The following ATRNL1 variants were observed in gnomAD, a reference collection of about 807,000 sequenced individuals.
ATRNL1 encodes the protein attractin-like protein 1.
In ATRNL1, 95 loss-of-function variants were observed where a neutral mutation model predicts 182.7. That is an observed-to-expected ratio of 0.52 (90% CI 0.44 to 0.62). ATRNL1 has a LOEUF of 0.62. Among genes scored for constraint, ATRNL1 ranks in the 20% least tolerant of loss-of-function variants. ATRNL1 has a pLI of 0.00. For missense variants in ATRNL1, 1,471 were observed against 1,679.5 expected (o/e 0.88, Z 2.17); for synonymous variants, 576 against 568.3 (o/e 1.01, Z -0.19).
At chr10:115,939,279 G>A (rs1953654451) in intron 28 of ATRNL1, among the ~76,000 whole-genome samples, 1 of 152,184 alleles carries the variant, frequency 6.6e-6, no homozygotes, top group African/African-American at 2.4e-5. Context: ...TCCTGCCCTA[G>A]GTGAACCAGA....
intron 10 of ATRNL1, among the ~76,000 whole-genome samples, chr10:115,244,456 A>G (rs908601611): frequency 1.3e-5 from 2 of 152,146 alleles, no homozygotes; most frequent in South Asian, 2.1e-4. Flanking sequence ...AAAAAAAATA[A>G]CTTACGTAAT....
At chr10:115,583,255 T>G (rs1171901708) in intron 26 of ATRNL1, among the ~76,000 whole-genome samples, 3 of 134,522 alleles carry the variant, frequency 2.2e-5, no homozygotes, top group Non-Finnish European at 4.9e-5. Context: ...ATATGAACTT[T>G]AAGGTAGTTT....
chr10:115,533,153 A>G (rs528063649), intron 25 of ATRNL1, among the ~76,000 whole-genome samples: 4,124 of 151,986 alleles, frequency 0.027, 219 homozygotes, highest in African/African-American at 0.096. Context: ...TTTTCTATTG[A>G]TTGGAATAGT....
intron 18 of ATRNL1, among the ~76,000 whole-genome samples, chr10:115,316,366 C>A (rs555587168): frequency 1.3e-5 from 2 of 151,990 alleles, no homozygotes; most frequent in African/African-American, 4.8e-5. Context: ...CATTAATGGG[C>A]GCTTGGGTTG....
intron 25 of ATRNL1, among the ~76,000 whole-genome samples, chr10:115,534,571 C>G (rs1851836658): frequency 6.6e-6 from 1 of 152,246 alleles, no homozygotes; most frequent in Non-Finnish European, 1.5e-5. Flanking sequence ...GTTTGCCAGT[C>G]TGTGTCTTTT....
rs185147556 is a variant in ATRNL1, at chr10:115,357,260, G to A, written c.3175+22841G>A. The stretch of plus-strand genomic sequence containing the variant: ...CATAGTTCTACTTATATTCTAATAC[G>A]TATAAAACATTTATTTAGTACAGTT... On this transcript the variant is annotated intron_variant, in intron 19 of 28. Coordinates refer to ENST00000355044, the MANE Select transcript of ATRNL1 (RefSeq NM_207303.4). Among the ~76,000 whole-genome samples, 83 of 151,896 alleles carry A rather than the reference G, an allele frequency of 5.5e-4. 1 individual carries two copies. The highest frequency in any genetic ancestry group is 3.4e-3 in the Middle Eastern group (1 of 294).
At chr10:115,295,096 T>C (rs1853112345) in intron 15 of ATRNL1, among the ~76,000 whole-genome samples, 1 of 151,606 alleles carries the variant, frequency 6.6e-6, no homozygotes, top group Non-Finnish European at 1.5e-5. Flanking sequence ...ACCTATGAGA[T>C]TGGTTTTCAA....
At chr10:115,171,399 A>G in intron 8 of ATRNL1, 107 bp downstream of exon 8, 1 of 989,262 alleles carries the variant, frequency 1.0e-6, no homozygotes, top group Non-Finnish European at 1.4e-6. Flanking sequence ...TGAGATTGAA[A>G]TTATAAGCTG....
chr10:115,477,253 C>T (rs1281966711), intron 24 of ATRNL1, among the ~76,000 whole-genome samples: 6 of 151,438 alleles, frequency 4.0e-5, no homozygotes, highest in South Asian at 4.1e-4. Flanking sequence ...AAACAGAAAT[C>T]GTGCATGACT....
chr10:115,472,737 T>C (rs1554972368), intron 24 of ATRNL1, among the ~76,000 whole-genome samples: 1 of 151,134 alleles, frequency 6.6e-6, no homozygotes, highest in Non-Finnish European at 1.5e-5. Flanking sequence ...TTTAACAGTT[T>C]ATTGGTGGAC....
intron 18 of ATRNL1, among the ~76,000 whole-genome samples, chr10:115,329,095 C>A (rs1855068683): frequency 6.6e-6 from 1 of 151,994 alleles, no homozygotes; most frequent in Admixed American, 6.6e-5. Context: ...TAGAGTTCCC[C>A]TTTCTCCACA....
At chr10:115,398,550 CACATTGTATCCTGAT>C (rs2134293577) in intron 20 of ATRNL1, among the ~76,000 whole-genome samples, 2 of 151,926 alleles carry the variant, frequency 1.3e-5, no homozygotes, top group East Asian at 3.9e-4. Flanking sequence ...TTGATTTTTG[CACATTGTATCCTGAT>C]ACTTTGCTGA....
chr10:115,334,511 C>A, intron 19 of ATRNL1, 92 bp downstream of exon 19: 1 of 959,886 alleles, frequency 1.0e-6, no homozygotes, highest in Non-Finnish European at 1.4e-6. Flanking sequence ...TATACTACTA[C>A]AGAAAATTTT....
At chr10:115,699,077 A>G (rs113992721) in intron 26 of ATRNL1, among the ~76,000 whole-genome samples, 1 of 152,186 alleles carries the variant, frequency 6.6e-6, no homozygotes, top group Non-Finnish European at 1.5e-5. Context: ...ATGAAGTCAT[A>G]AAATTGTAAA....
At chr10:115,735,983 T>C (rs1302525894) in intron 27 of ATRNL1, among the ~76,000 whole-genome samples, 3 of 152,228 alleles carry the variant, frequency 2.0e-5, no homozygotes, top group African/African-American at 4.8e-5. Context: ...CTGTGTTTGG[T>C]GTTCAGCAGT....
intron 17 of ATRNL1, among the ~76,000 whole-genome samples, chr10:115,303,437 G>A (rs782391106): frequency 2.0e-5 from 3 of 151,964 alleles, no homozygotes; most frequent in African/African-American, 7.3e-5. Context: ...TGGCCAGGCT[G>A]ATCTCGAACT....
At chr10:115,526,537 T>G (rs1446374820) in intron 25 of ATRNL1, among the ~76,000 whole-genome samples, 1 of 152,186 alleles carries the variant, frequency 6.6e-6, no homozygotes, top group East Asian at 1.9e-4. Flanking sequence ...ATCAGTGCAT[T>G]TTCTCAGGTC....
At chr10:115,936,742 C>T (rs1253169545) in intron 28 of ATRNL1, among the ~76,000 whole-genome samples, 3 of 152,210 alleles carry the variant, frequency 2.0e-5, no homozygotes, top group South Asian at 2.1e-4. Flanking sequence ...CTTCAATGAG[C>T]AGTAAGCATT....
chr10:115,685,538 T>C (rs1325258245), intron 26 of ATRNL1, among the ~76,000 whole-genome samples: 4 of 151,880 alleles, frequency 2.6e-5, no homozygotes, highest in African/African-American at 9.7e-5. Context: ...GTGAGAATCA[T>C]CCATTTAGAT....
Sources: gnomAD v4.1 joint callset for allele counts (sites outside exome capture counted in the v4.1 genomes callset) on GRCh38, gnomAD v4.1.1 for gene constraint, MANE v1.5 for transcripts, NCBI Gene and HGNC (gene_info 2026-07-23, HGNC 2026-07-21) for gene names.